Variants in PHACTR2 observed in about 807,000 individuals in gnomAD.
PHACTR2 encodes chromosome 6 open reading frame 56.
A neutral mutation model predicts 76.0 loss-of-function variants in PHACTR2; 30 were observed. The observed-to-expected ratio is 0.39, with a 90% CI of 0.30 to 0.54. PHACTR2 has a LOEUF of 0.54. Among genes scored for constraint, PHACTR2 ranks in the 20% least tolerant of loss-of-function variants. The pLI, the probability that PHACTR2 is intolerant of heterozygous loss-of-function variation, is 0.61. For synonymous variants in PHACTR2, 292 were observed against 292.5 expected (o/e 1.00, Z 0.02); for missense variants, 696 against 781.1 (o/e 0.89, Z 1.30).
In PHACTR2 at chr6:143,697,755, G is replaced by A. The variant is rs906666024; in HGVS notation, c.47-14261G>A. On this transcript the variant is annotated intron_variant, in intron 1 of 12. Transcript: ENST00000440869. This position sits in a 1 kb window ranked among gnomAD's most constrained non-coding sequence, Gnocchi z 4.4. ...ACCTGCTAAAATAAATCATAGCCTA[G>A]GCCTTGTAAATTATTGCCCCACATT... Among the ~76,000 whole-genome samples, 2 of 152,086 alleles carry A rather than the reference G, an allele frequency of 1.3e-5. No homozygotes were observed. The highest frequency in any genetic ancestry group is 2.9e-5 in the Non-Finnish European group (2 of 68,028).
intron 1 of PHACTR2, among the ~76,000 whole-genome samples, chr6:143,666,829 C>T (rs145694540): frequency 0.014 from 2,178 of 152,240 alleles, 61 homozygotes; most frequent in African/African-American, 0.049. Context: ...CTGTAGGTTG[C>T]CTGTTCACTC....
At chr6:143,715,211 C>T (rs1159515942) in intron 2 of PHACTR2, among the ~76,000 whole-genome samples, 2 of 152,208 alleles carry the variant, frequency 1.3e-5, no homozygotes, top group Admixed American at 1.3e-4. Flanking sequence ...CATTACTGAA[C>T]AGTCAGTCCT....
Position 143,738,930 on chromosome 6 carries a change from T to C in PHACTR2, c.215-10055T>C, listed in dbSNP as rs981301318. Reference sequence around the variant, plus strand: ...TGTTGAGTCCCTGAAATGTGTAGATTGAAAGCAGATCATGGAGAAGGGTGT... The same window carrying C: ...TGTTGAGTCCCTGAAATGTGTAGATCGAAAGCAGATCATGGAGAAGGGTGT... On this transcript the variant is annotated intron_variant, in intron 2 of 12. Transcript: ENST00000440869. This position sits in a 1 kb window ranked among gnomAD's most constrained non-coding sequence, Gnocchi z 4.0. 6.7e-6 allele frequency among the ~76,000 whole-genome samples: 1 copy of C among 149,636 alleles called. No individual in the cohort carries two copies. Among genetic ancestry groups the C allele is most frequent in the African/African-American group, 2.5e-5 (1 of 40,494 alleles).
chr6:143,629,932 G>A (rs1309776924), intron 1 of PHACTR2, among the ~76,000 whole-genome samples: 1 of 152,048 alleles, frequency 6.6e-6, no homozygotes, highest in South Asian at 2.1e-4. Flanking sequence ...CATAGCCTTC[G>A]TGAGTGAGCA....
rs1021131009 is a variant in PHACTR2 at position 143,731,666 on chromosome 6, G to A, written c.215-17319G>A. ...AATAATATTTTGTTGAGGATTCATG[G>A]TATTGATCTGTAGTGTTCTTGCACT... On this transcript the variant is annotated intron_variant, in intron 2 of 12. Transcript: ENST00000440869. This position sits in a 1 kb window ranked among gnomAD's most constrained non-coding sequence, Gnocchi z 4.9. 6.6e-6 allele frequency among the ~76,000 whole-genome samples: 1 copy of A among 152,164 alleles called. No individual in the cohort carries two copies. The highest frequency in any genetic ancestry group is 1.5e-5 in the Non-Finnish European group (1 of 68,030).
At chr6:143,804,013 A>T (rs1471133167) in intron 11 of PHACTR2, among the ~76,000 whole-genome samples, 1 of 152,232 alleles carries the variant, frequency 6.6e-6, no homozygotes, top group Non-Finnish European at 1.5e-5. Flanking sequence ...GTAAGGTAAA[A>T]GCCTTGGAAT....
At chr6:143,601,286 A>G (rs2128435844) in intron 1 of PHACTR2, among the ~76,000 whole-genome samples, 2 of 152,340 alleles carry the variant, frequency 1.3e-5, no homozygotes, top group Admixed American at 1.3e-4. Context: ...TCTTCTGGAA[A>G]AAAAGGCCGT....
Position 143,760,046 on chromosome 6 carries a change from TC to T in PHACTR2, c.455-354del, listed in dbSNP as rs1188861506. 2.0e-5 allele frequency among the ~76,000 whole-genome samples: 3 copies of T among 152,156 alleles called. No homozygotes were observed. Among genetic ancestry groups the T allele is most frequent in the Non-Finnish European group, 4.4e-5 (3 of 68,042 alleles). On this transcript the variant is annotated intron_variant, in intron 4 of 12. Coordinates refer to ENST00000440869, the MANE Select transcript of PHACTR2 (RefSeq NM_001100164.2). The surrounding 1 kb of genome is among the most constrained non-coding windows in gnomAD (Gnocchi z 6.4). ...TCAACTTTGTTAAATCATTGTTTGT[TC>T]AATTTAAATGTAGCACTTCATGCCC...
intron 1 of PHACTR2, among the ~76,000 whole-genome samples, chr6:143,644,583 G>C (rs771493600): frequency 6.7e-6 from 1 of 149,196 alleles, no homozygotes; most frequent in South Asian, 2.1e-4. Flanking sequence ...TTTTTTTTTA[G>C]CATAATTCAT....
chr6:143,600,102 C>T (rs1052686456), intron 1 of PHACTR2, among the ~76,000 whole-genome samples: 3 of 152,228 alleles, frequency 2.0e-5, no homozygotes, highest in South Asian at 2.1e-4. Flanking sequence ...GCAGGCTGCC[C>T]GCCGTCCGGC....
chr6:143,815,370 C>T (rs1776275331), intron 12 of PHACTR2, among the ~76,000 whole-genome samples: 1 of 152,036 alleles, frequency 6.6e-6, no homozygotes, highest in African/African-American at 2.4e-5. Flanking sequence ...GAGCTATGAT[C>T]CGGCCACTGC....
intron 2 of PHACTR2, among the ~76,000 whole-genome samples, chr6:143,745,259 C>G (rs1038598240): frequency 3.3e-5 from 5 of 152,188 alleles, no homozygotes; most frequent in African/African-American, 1.2e-4. Context: ...CTGGAGCCGA[C>G]TGCTGCCGTT....
Position 143,652,298 on chromosome 6 carries a change from A to C in PHACTR2, c.13+43976A>C, listed in dbSNP as rs990912953. 1.3e-5 allele frequency among the ~76,000 whole-genome samples: 2 copies of C among 152,240 alleles called. No homozygotes were observed. The highest frequency in any genetic ancestry group is 2.9e-5 in the Non-Finnish European group (2 of 68,044). On this transcript the variant is annotated intron_variant, in intron 1 of 11. Coordinates refer to the PHACTR2 transcript ENST00000305766. This position sits in a 1 kb window ranked among gnomAD's most constrained non-coding sequence, Gnocchi z 4.5. The stretch of plus-strand genomic sequence containing the variant: ...TTGTTTTGGTTTTTGTTTAGTGATT[A>C]AGTGTACAATCCCCAATAAAATATT...
At chr6:143,701,953 A>G (rs1777923231) in intron 1 of PHACTR2, among the ~76,000 whole-genome samples, 1 of 152,122 alleles carries the variant, frequency 6.6e-6, no homozygotes, top group Non-Finnish European at 1.5e-5. Flanking sequence ...TCCTAATTTC[A>G]GCAATGAAAA....
rs1447672991 is a variant in PHACTR2, at chr6:143,788,927, AT to A, written c.1845+21del. On this transcript the variant is annotated intron_variant, in intron 11 of 12. Coordinates refer to ENST00000440869, the MANE Select transcript of PHACTR2 (RefSeq NM_001100164.2). ...GCAGACAAGGCAAGAATCCCAGTGG[AT>A]TTTGTGTTGATTGTATTGCTTTTCT... 2 of 1,599,808 alleles carry A rather than the reference AT, an allele frequency of 1.3e-6. No homozygotes were observed. Among genetic ancestry groups the A allele is most frequent in the African/African-American group, 2.7e-5 (2 of 74,696 alleles).
Position 143,617,524 on chromosome 6 carries a change from T to C in PHACTR2, c.13+9202T>C, listed in dbSNP as rs1160464214. 6.6e-6 allele frequency among the ~76,000 whole-genome samples: 1 copy of C among 152,216 alleles called. No individual in the cohort carries two copies. Among genetic ancestry groups the C allele is most frequent in the African/African-American group, 2.4e-5 (1 of 41,458 alleles). ...GGGACTTTGGAGTGGGGTCAGGACA[T>C]TGGTGTTTGTTTAAAAGCTCCCCAC... On this transcript the variant is annotated intron_variant, in intron 1 of 11. Coordinates refer to the PHACTR2 transcript ENST00000305766. This position sits in a 1 kb window ranked among gnomAD's most constrained non-coding sequence, Gnocchi z 4.8.
rs964428783 is a variant in PHACTR2, at chr6:143,743,174, G to T, written c.215-5811G>T. On this transcript the variant is annotated intron_variant, in intron 2 of 12. Transcript: ENST00000440869. The surrounding 1 kb of genome is among the most constrained non-coding windows in gnomAD (Gnocchi z 5.0). The stretch of plus-strand genomic sequence containing the variant: ...TAACATTTTAGGGTAGATTTCACCC[G>T]AGAGGGATAGGGAAACAGTCTAAAT... Among the ~76,000 whole-genome samples, 1 of 152,186 alleles carries T rather than the reference G, an allele frequency of 6.6e-6. No individual in the cohort carries two copies. The highest frequency in any genetic ancestry group is 6.5e-5 in the Admixed American group (1 of 15,280).
At chr6:143,770,310 A>G (rs1359879509) in intron 6 of PHACTR2, among the ~76,000 whole-genome samples, 1 of 152,202 alleles carries the variant, frequency 6.6e-6, no homozygotes, top group African/African-American at 2.4e-5. Flanking sequence ...GTCAAATTAT[A>G]GAGACAAAAA....
rs1778116096 is a variant in PHACTR2 at position 143,709,262 on chromosome 6, T to G, written c.47-2754T>G. Among the ~76,000 whole-genome samples the G allele has an allele frequency of 6.6e-6, 1 of 152,212 alleles. No homozygotes were observed. The highest frequency in any genetic ancestry group is 1.5e-5 in the Non-Finnish European group (1 of 68,018). On this transcript the variant is annotated intron_variant, in intron 1 of 12. Transcript: ENST00000440869. The surrounding 1 kb of genome is among the most constrained non-coding windows in gnomAD (Gnocchi z 4.4). Reference sequence around the variant, plus strand: ...CCACTTTCAGAAGAATCAGTTAGCGTAGGACTTGAATCTCCAATTTTCCCT... The same window carrying G: ...CCACTTTCAGAAGAATCAGTTAGCGGAGGACTTGAATCTCCAATTTTCCCT...
Sources: gnomAD v4.1 joint callset for allele counts (sites outside exome capture counted in the v4.1 genomes callset) on GRCh38, gnomAD v4.1.1 for gene constraint, Gnocchi (gnomAD v3.1) non-coding constraint, MANE v1.5 for transcripts, NCBI Gene and HGNC (gene_info 2026-07-23, HGNC 2026-07-21) for gene names.